The following GSK3B variants were observed in gnomAD, a reference collection of about 807,000 sequenced individuals.
GSK3B encodes glycogen synthase kinase-3 beta.
GSK3B carries 15 observed loss-of-function variants against 56.4 expected under a neutral mutation model. The observed-to-expected ratio is 0.27, with a 90% CI of 0.18 to 0.41. The LOEUF is 0.41. GSK3B is among the 10% of genes least tolerant of loss of function. The pLI is 1.00. For synonymous variants in GSK3B, 181 were observed against 188.9 expected (o/e 0.96, Z 0.34); for missense variants, 300 against 513.4 (o/e 0.58, Z 4.02).
At chr3:120,015,329 C>T (rs191282853) in intron 1 of GSK3B, among the ~76,000 whole-genome samples, 2 of 152,126 alleles carry the variant, frequency 1.3e-5, no homozygotes, top group African/African-American at 2.4e-5. Context: ...AAAGTCTGAA[C>T]CCCTTACTTC....
intron 9 of GSK3B, among the ~76,000 whole-genome samples, chr3:119,852,505 G>A (rs57461967): frequency 1.3e-5 from 2 of 151,846 alleles, no homozygotes; most frequent in South Asian, 2.1e-4. Flanking sequence ...CCACCACCAC[G>A]CCTGGCTAAT....
chr3:120,039,940 G>A (rs1482875960), intron 1 of GSK3B, among the ~76,000 whole-genome samples: 1 of 152,188 alleles, frequency 6.6e-6, no homozygotes, highest in Non-Finnish European at 1.5e-5. Context: ...CCTCTCCCGT[G>A]AAGAGGTGCG....
chr3:120,088,227 A>C (rs2058481613), intron 1 of GSK3B, among the ~76,000 whole-genome samples: 2 of 152,196 alleles, frequency 1.3e-5, no homozygotes, highest in Non-Finnish European at 2.9e-5. Context: ...TACCACATCA[A>C]ATGCATTACA....
chr3:119,831,671 AT>A (rs1032790249), intron 10 of GSK3B, among the ~76,000 whole-genome samples: 2 of 151,996 alleles, frequency 1.3e-5, no homozygotes, highest in African/African-American at 4.8e-5. Flanking sequence ...AAAAAAAAAA[AT>A]AAGAGAAGAG....
At chr3:119,968,371 A>C (rs905586871) in intron 2 of GSK3B, among the ~76,000 whole-genome samples, 5 of 152,194 alleles carry the variant, frequency 3.3e-5, no homozygotes, top group African/African-American at 1.2e-4. Context: ...ACTACTGACC[A>C]ATCTCTTACA....
At chr3:119,866,764 T>C (rs1559815110) in intron 8 of GSK3B, 2 of 608,612 alleles carry the variant, frequency 3.3e-6, no homozygotes, top group Non-Finnish European at 5.8e-6. Context: ...GTTTATACAG[T>C]TATAAACTTT....
chr3:119,978,305 C>T lies in GSK3B; in HGVS notation c.282+23741G>A, dbSNP rs562802500. On this transcript the variant is annotated intron_variant, in intron 2 of 10. Coordinates refer to ENST00000264235, the MANE Select transcript of GSK3B (RefSeq NM_001146156.2). ...CCTCCTCCCAAAGAGATTCCAACCC[C>T]GCCATAAAATTCTCCACACACATAA... Among the ~76,000 whole-genome samples the T allele has an allele frequency of 1.2e-4, 18 of 152,248 alleles. No homozygotes were observed. In the East Asian group the frequency reaches 1.9e-3, roughly 16 times the overall value.
At chr3:119,983,363 C>A (rs1294063569) in intron 2 of GSK3B, among the ~76,000 whole-genome samples, 1 of 152,010 alleles carries the variant, frequency 6.6e-6, no homozygotes, top group Non-Finnish European at 1.5e-5. Context: ...CAATATTAAC[C>A]TTAAATGTAA....
chr3:120,085,169 C>T (rs2058453274), intron 1 of GSK3B, among the ~76,000 whole-genome samples: 1 of 152,116 alleles, frequency 6.6e-6, no homozygotes, highest in Non-Finnish European at 1.5e-5. Context: ...GTAAATAAAA[C>T]ATGCAATTAT....
At chr3:119,995,427 A>C (rs1346942827) in intron 2 of GSK3B, among the ~76,000 whole-genome samples, 1 of 152,110 alleles carries the variant, frequency 6.6e-6, no homozygotes, top group Non-Finnish European at 1.5e-5. Context: ...AGGTTTAAGG[A>C]AGTTCTTTAC....
intron 1 of GSK3B, among the ~76,000 whole-genome samples, chr3:120,059,487 C>T (rs2058219364): frequency 6.6e-6 from 1 of 152,190 alleles, no homozygotes; most frequent in Admixed American, 6.5e-5. Context: ...AATTAACATT[C>T]AACAACAGTT....
chr3:119,943,921 T>C (rs534244462), intron 3 of GSK3B, among the ~76,000 whole-genome samples: 1 of 151,608 alleles, frequency 6.6e-6, no homozygotes, highest in African/African-American at 2.4e-5. Context: ...AGATAGAGAC[T>C]TGGAGCCTAC....
Position 119,826,818 on chromosome 3 carries a change from A to T in GSK3B, c.1233T>A (p.Ala411=). ...NTGDRGQTNN[A]ASASASNST ...TGGAGTTGGAAGCTGATGCAGAAGC[A>T]GCATTATTGGTCTGTCCACGGTCTC... is the stretch of plus-strand genomic sequence containing the variant. The change falls in exon 11 of 11, where the codon GCT becomes GCA. Residue 411 remains alanine (A), a synonymous_variant. Coordinates refer to ENST00000264235, the MANE Select transcript of GSK3B (RefSeq NM_001146156.2). 1 of 1,613,272 alleles carries T rather than the reference A, an allele frequency of 6.2e-7. No individual in the cohort carries two copies. The highest frequency in any genetic ancestry group is 8.5e-7 in the Non-Finnish European group (1 of 1,179,170).
At chr3:119,827,080 A>G (rs1381211908) in intron 10 of GSK3B, among the ~76,000 whole-genome samples, 1 of 152,208 alleles carries the variant, frequency 6.6e-6, no homozygotes, top group Non-Finnish European at 1.5e-5. Context: ...GTGTCTTTGA[A>G]TAAGTTGCAG....
rs562626236 is a variant in GSK3B, at chr3:119,859,069, C to T, written c.1096+4350G>A. ...ATTGCAAGAATTACCAAATGTGGCA[C>T]AGAGACACAAAATAAACATAAGCTG... On this transcript the variant is annotated intron_variant, in intron 9 of 10. Coordinates refer to ENST00000264235, the MANE Select transcript of GSK3B (RefSeq NM_001146156.2). Among the ~76,000 whole-genome samples, 9 of 151,450 alleles carry T rather than the reference C, an allele frequency of 5.9e-5. 1 individual carries two copies. Among genetic ancestry groups the T allele is most frequent in the Admixed American group, 5.9e-4 (9 of 15,178 alleles).
At chr3:119,858,138 T>C (rs1193878205) in intron 9 of GSK3B, among the ~76,000 whole-genome samples, 1 of 152,198 alleles carries the variant, frequency 6.6e-6, no homozygotes, top group African/African-American at 2.4e-5. Context: ...CCTAGGATTT[T>C]TGGAACGGTA....
At position 119,976,233 on chromosome 3, in the gene GSK3B, A is replaced by T. The variant is rs530960647; in HGVS notation, c.282+25813T>A. 5.3e-5 allele frequency among the ~76,000 whole-genome samples: 8 copies of T among 152,284 alleles called. No homozygotes were observed. In the South Asian group the frequency reaches 1.7e-3, roughly 32 times the overall value. Reference sequence around the variant, plus strand: ...TGATTCCATTCCTAGGAACACACTAAAGAGAAATGAAAACCTATTTCCCCA... The same window carrying T: ...TGATTCCATTCCTAGGAACACACTATAGAGAAATGAAAACCTATTTCCCCA... On this transcript the variant is annotated intron_variant, in intron 2 of 10. Transcript: ENST00000264235.
chr3:119,859,574 T>A (rs1481698686), intron 9 of GSK3B, among the ~76,000 whole-genome samples: 1 of 152,206 alleles, frequency 6.6e-6, no homozygotes, highest in Non-Finnish European at 1.5e-5. Flanking sequence ...CATTTTCAAT[T>A]CCATGTTTTC....
intron 1 of GSK3B, among the ~76,000 whole-genome samples, chr3:120,045,573 G>T (rs1234135702): frequency 6.6e-6 from 1 of 152,078 alleles, no homozygotes; most frequent in Non-Finnish European, 1.5e-5. Context: ...AGCCCACAGG[G>T]GAGTGACACT....
Sources: allele counts gnomAD v4.1 joint callset (sites outside exome capture counted in the v4.1 genomes callset), GRCh38; gene constraint gnomAD v4.1.1; transcripts MANE v1.5; gene names NCBI Gene and HGNC (gene_info 2026-07-23, HGNC 2026-07-21).